PLA2G2C: variants seen among roughly 807,000 people sequenced by gnomAD.
The protein encoded by PLA2G2C is putative inactive group IIC secretory phospholipase A2.
A neutral mutation model predicts 14.3 loss-of-function variants in PLA2G2C; 15 were observed. The ratio of observed to expected loss-of-function variants is 1.05; its 90% CI spans 0.70 to 1.62. The LOEUF (loss-of-function observed/expected upper bound fraction) is 1.62. PLA2G2C is among the 40% of genes most tolerant of loss of function. The probability of loss-of-function intolerance (pLI) is 0.00; values close to 1 mark genes in which losing one functional copy is unlikely to be tolerated. For synonymous variants in PLA2G2C, 79 were observed against 67.7 expected, an observed-to-expected ratio of 1.17 and a Z score of -0.82; for missense variants, 162 against 173.2, an observed-to-expected ratio of 0.94 and a Z score of 0.36.
chr1:20,165,589 T>A (rs765609853), intron 4 of PLA2G2C, among the ~76,000 whole-genome samples: 2 of 152,198 alleles, frequency 1.3e-5, no homozygotes, highest in Non-Finnish European at 2.9e-5. Context: ...GTTCAGTGTC[T>A]GCACTTTGGC....
chr1:20,184,197 G>GCACACACACACGCACACGCACACA (rs2018324652), intron 1 of PLA2G2C: 2 of 149,618 alleles, frequency 1.3e-5, no homozygotes, highest in African/African-American at 2.5e-5. Flanking sequence ...GTGCGCACAC[G>GCACACACACACGCACACGCACACA]CACACACACA....
chr1:20,182,281 T>C (rs76146028), intron 1 of PLA2G2C, among the ~76,000 whole-genome samples: 2,086 of 152,332 alleles, frequency 0.014, 42 homozygotes, highest in African/African-American at 0.047. Flanking sequence ...TATATAGGCA[T>C]ACCATTTTTT....
intron 4 of PLA2G2C, among the ~76,000 whole-genome samples, chr1:20,169,158 A>T (rs777750690): frequency 6.6e-6 from 1 of 152,142 alleles, no homozygotes; most frequent in African/African-American, 2.4e-5. Flanking sequence ...TGCAATTAGG[A>T]TAGGGAAATA....
At chr1:20,177,121 T>C (rs896079755) in intron 2 of PLA2G2C, among the ~76,000 whole-genome samples, 3 of 152,148 alleles carry the variant, frequency 2.0e-5, no homozygotes, top group Middle Eastern at 3.2e-3. Flanking sequence ...CTAGACACTT[T>C]ATAAGATCCC....
At chr1:20,168,920 C>T (rs2018023320) in intron 4 of PLA2G2C, among the ~76,000 whole-genome samples, 1 of 152,184 alleles carries the variant, frequency 6.6e-6, no homozygotes, top group Admixed American at 6.5e-5. Flanking sequence ...CAAATTGGGC[C>T]CTGGGCTCTG....
chr1:20,168,143 G>A (rs925511212), intron 4 of PLA2G2C, among the ~76,000 whole-genome samples: 4 of 152,218 alleles, frequency 2.6e-5, no homozygotes, highest in Admixed American at 1.3e-4. Flanking sequence ...CAGGAAGCCA[G>A]GTTCTTGGGC....
At chr1:20,178,413 A>T (rs1225946957) in intron 1 of PLA2G2C, among the ~76,000 whole-genome samples, 1 of 152,216 alleles carries the variant, frequency 6.6e-6, no homozygotes, top group African/African-American at 2.4e-5. Flanking sequence ...AAAGCTTCCA[A>T]GGAAAACTTC....
chr1:20,164,115 A>G lies in PLA2G2C; in HGVS notation c.326T>C (p.Leu109Pro), dbSNP rs759085069. 43 of 1,613,726 alleles carry G rather than the reference A, an allele frequency of 2.7e-5. No individual in the cohort carries two copies. The highest frequency in any genetic ancestry group is 3.6e-5 in the Non-Finnish European group (42 of 1,179,874). ...LGPGASCHCRLKACECDKQSV... is the reference protein window; with the variant it reads ...LGPGASCHCRPKACECDKQSV... ...TTGCTTGTCACACTCACAGGCCTTC[A>G]GCCTGCAGTGGCAGCTGGCACCAGG... The change falls in exon 5 of 5, where the codon CTG (leucine) becomes CCG (proline). Residue 109 changes from leucine to proline, a missense_variant. Coordinates refer to ENST00000679259, the MANE Select transcript of PLA2G2C (RefSeq NM_001367969.2).
In PLA2G2C at chr1:20,175,082, G is replaced by A. The variant is rs374293732; in HGVS notation, c.104C>T (p.Ala35Val). The change falls in exon 3 of 5, where the codon GCC becomes GTC. Residue 35 changes from alanine (A) to valine (V), a missense_variant. Ala to Val is a moderately conservative substitution (Grantham distance 64). Coordinates refer to ENST00000679259, the MANE Select transcript of PLA2G2C (RefSeq NM_001367969.2). ...RRVKHITGRS[A>V]FFSYYGYGCY... ...GCCATATCCGTAATATGAGAAGAAGGCACTTCGCCCCGTGATGTGTTTGAC... is the reference window on the plus strand; with the variant it reads ...GCCATATCCGTAATATGAGAAGAAGACACTTCGCCCCGTGATGTGTTTGAC... The A allele has an allele frequency of 1.8e-5, 29 of 1,613,794 alleles. No homozygotes were observed. The Middle Eastern group carries it at 6.6e-4, about 37-fold the overall frequency.
intron 1 of PLA2G2C, among the ~76,000 whole-genome samples, chr1:20,179,303 C>T (rs556474196): frequency 2.8e-5 from 4 of 142,828 alleles, no homozygotes; most frequent in Admixed American, 7.0e-5. Flanking sequence ...TGCGCGCGCA[C>T]GTGCGTGCTA....
intron 1 of PLA2G2C, among the ~76,000 whole-genome samples, chr1:20,179,455 G>T (rs974321106): frequency 1.2e-4 from 17 of 146,366 alleles, no homozygotes; most frequent in African/African-American, 4.4e-4. Flanking sequence ...CAGCTTCTCC[G>T]TGTCAGCTTC....
Position 20,171,089 on chromosome 1 carries a change from C to A in PLA2G2C, c.283+1705G>T, listed in dbSNP as rs1050669347. Among the ~76,000 whole-genome samples, 3 of 141,596 alleles carry A rather than the reference C, an allele frequency of 2.1e-5. 1 individual carries two copies. Among genetic ancestry groups the A allele is most frequent in the Non-Finnish European group, 4.6e-5 (3 of 64,908 alleles). 92.9% of individuals were successfully genotyped at this position (141,596 alleles called of 152,430 possible). On this transcript the variant is annotated intron_variant, in intron 4 of 4. Transcript: ENST00000679259. ...AGCCCACAGGAGCCCAGGGTGGAGG[C>A]TTGGGCTGGGCCAGCCAGGTGTCCC...
intron 4 of PLA2G2C, among the ~76,000 whole-genome samples, chr1:20,165,036 T>C (rs2017952573): frequency 6.6e-6 from 1 of 152,214 alleles, no homozygotes; most frequent in Non-Finnish European, 1.5e-5. Context: ...ACATGCTGAA[T>C]CCTTCCGTGG....
intron 4 of PLA2G2C, among the ~76,000 whole-genome samples, chr1:20,172,065 G>A (rs1246337684): frequency 6.6e-6 from 1 of 152,120 alleles, no homozygotes; most frequent in Non-Finnish European, 1.5e-5. Context: ...GCCCGGCCAA[G>A]AAGCCACTTC....
chr1:20,186,268 A>G (rs2018390845), intron 1 of PLA2G2C, 92 bp downstream of exon 1: 1 of 152,136 alleles, frequency 6.6e-6, no homozygotes, highest in Non-Finnish European at 1.5e-5. Context: ...GCCTCCCCAG[A>G]CCCAGCCCGG....
chr1:20,174,980 A>C (rs2018153547), intron 3 of PLA2G2C, 27 bp downstream of exon 3: 2 of 1,582,506 alleles, frequency 1.3e-6, no homozygotes, highest in Non-Finnish European at 1.7e-6. Context: ...AACAAATGAT[A>C]AGTGGCCTTA....
At chr1:20,179,799 T>C (rs749772373) in intron 1 of PLA2G2C, among the ~76,000 whole-genome samples, 8 of 151,442 alleles carry the variant, frequency 5.3e-5, no homozygotes, top group Non-Finnish European at 1.0e-4. Context: ...TTTCTCCCTC[T>C]ATGTTGGCTT....
chr1:20,178,614 T>C (rs2018227695), intron 1 of PLA2G2C, among the ~76,000 whole-genome samples: 1 of 152,166 alleles, frequency 6.6e-6, no homozygotes, highest in Admixed American at 6.5e-5. Context: ...CTTGCTTCCT[T>C]TTTCTCTTTT....
chr1:20,179,894 T>C (rs1452245169), intron 1 of PLA2G2C, among the ~76,000 whole-genome samples: 1 of 151,832 alleles, frequency 6.6e-6, no homozygotes, highest in African/African-American at 2.4e-5. Context: ...GTGTGTCAGC[T>C]TCTCCCTCTG....
Sources: allele counts gnomAD v4.1 joint callset (sites outside exome capture counted in the v4.1 genomes callset), GRCh38; gene constraint gnomAD v4.1.1; transcripts MANE v1.5; gene names NCBI Gene and HGNC (gene_info 2026-07-23, HGNC 2026-07-21).